Variants in COPG1 observed in about 807,000 individuals in gnomAD.
The protein encoded by COPG1 is coatomer subunit gamma-1.
A neutral mutation model predicts 102.8 loss-of-function variants in COPG1; 29 were observed. That is an observed-to-expected ratio of 0.28 (90% CI 0.21 to 0.38). COPG1 has a LOEUF of 0.38. Among genes scored for constraint, COPG1 ranks in the 10% least tolerant of loss-of-function variants. COPG1 has a pLI of 1.00. For missense variants in COPG1, 875 were observed against 1,132.7 expected, an observed-to-expected ratio of 0.77 and a Z score of 3.27; for synonymous variants, 406 against 421.6, an observed-to-expected ratio of 0.96 and a Z score of 0.45.
At position 129,272,422 on chromosome 3, in the gene COPG1, C is replaced by A. The variant is rs745971818; in HGVS notation, c.2158+7C>A. ...AAAGAAGACCCCACAGCTGGTGAGC[C>A]CCTCTCCAGATACCACCCTATCCTC... On this transcript the variant is annotated splice_region_variant and intron_variant, in intron 20 of 23. Coordinates refer to ENST00000314797, the MANE Select transcript of COPG1 (RefSeq NM_016128.4). 2.5e-6 allele frequency: 4 copies of A among 1,610,376 alleles called. No individual in the cohort carries two copies.
At chr3:129,255,220 C>T (rs1939783640) in intron 7 of COPG1, 143 bp downstream of exon 7, 1 of 616,580 alleles carries the variant, frequency 1.6e-6, no homozygotes, top group Non-Finnish European at 2.8e-6. Flanking sequence ...ACTCTGTCAC[C>T]CAGGCTAGAG....
intron 11 of COPG1, 85 bp from the exon 12 acceptor site, chr3:129,260,534 C>T: frequency 2.0e-6 from 3 of 1,523,516 alleles, no homozygotes; most frequent in Non-Finnish European, 2.7e-6. Context: ...TGATCTCATC[C>T]AAAGGACTTC....
Position 129,271,655 on chromosome 3 carries a change from C to T in COPG1, c.1844-112C>T. On this transcript the variant is annotated intron_variant, in intron 18 of 23. Transcript: ENST00000314797. This position sits in a 1 kb window ranked among gnomAD's most constrained non-coding sequence, Gnocchi z 4.7. Reference sequence around the variant, plus strand: ...AGCCAGTTGGGTAAACATATCTATCCATCTAAGGTAGGGTGGAACACCTTG... The same window carrying T: ...AGCCAGTTGGGTAAACATATCTATCTATCTAAGGTAGGGTGGAACACCTTG... The T allele has an allele frequency of 7.9e-7, 1 of 1,264,892 alleles. No individual in the cohort carries two copies. The highest frequency in any genetic ancestry group is 2.0e-4 in the Middle Eastern group (1 of 5,084). The allele number at this position is 1,264,892 out of a possible 1,614,324, so 78.4% of individuals were successfully genotyped here.
chr3:129,249,973 A>ACC (rs62819160), intron 1 of COPG1, among the ~76,000 whole-genome samples: 28 of 125,510 alleles, frequency 2.2e-4, no homozygotes, highest in East Asian at 1.0e-3. Context: ...CGCGACAAAC[A>ACC]CCCCCCCCCC....
intron 15 of COPG1, 42 bp downstream of exon 15, chr3:129,267,141 T>C (rs1940077430): frequency 6.7e-7 from 1 of 1,489,956 alleles, no homozygotes; most frequent in African/African-American, 1.4e-5. Flanking sequence ...CAGTGTTCCC[T>C]TGGACCCAAG....
Position 129,277,600 on chromosome 3 carries a change from A to AAT in COPG1, c.*176_*177insAT. Reference sequence around the variant, plus strand: ...TCCCACCCGGGACTACTTGCTGGTGACTTTTTTTTTTTTTTTTTTTAAATA... The same window carrying AAT: ...TCCCACCCGGGACTACTTGCTGGTGAATCTTTTTTTTTTTTTTTTTTTAAATA... On this transcript the variant is annotated 3_prime_UTR_variant, in exon 24 of 24. Transcript: ENST00000314797. The AAT allele has an allele frequency of 6.5e-5, 24 of 371,634 alleles. No individual in the cohort carries two copies. Among genetic ancestry groups the AAT allele is most frequent in the East Asian group, 1.0e-4 (2 of 19,258 alleles). 23.0% of individuals were successfully genotyped at this position (371,634 alleles called of 1,614,324 possible). A position where few individuals can be genotyped will look rare whatever the true frequency, so the allele number is the denominator to read the frequency against.
rs563928361 is a variant in COPG1, at chr3:129,255,475, C to A, written c.492+398C>A. Among the ~76,000 whole-genome samples, 4 of 141,190 alleles carry A rather than the reference C, an allele frequency of 2.8e-5. No homozygotes were observed. The South Asian group carries it at 9.0e-4, about 32-fold the overall frequency. 92.6% of individuals were successfully genotyped at this position (141,190 alleles called of 152,430 possible). ...TGCAGGCGTGAGCCACTGTGCCTGG[C>A]CTCTCTTTCTTCTTTTTTTTTTTTT... On this transcript the variant is annotated intron_variant, in intron 7 of 23. Coordinates refer to ENST00000314797, the MANE Select transcript of COPG1 (RefSeq NM_016128.4).
At chr3:129,256,629 T>G (rs1216930664) in intron 8 of COPG1, among the ~76,000 whole-genome samples, 1 of 152,210 alleles carries the variant, frequency 6.6e-6, no homozygotes, top group Middle Eastern at 3.2e-3. Flanking sequence ...GGTTACTGCC[T>G]CACAAAGCAG....
Position 129,276,505 on chromosome 3 carries a change from T to C in COPG1, c.2495-789T>C, listed in dbSNP as rs548843087. Reference sequence around the variant, plus strand: ...ACAAAAGGAAATGGGATGATTTTTTTTGGCTGAGTGTTTATAAACAGGGTT... The same window carrying C: ...ACAAAAGGAAATGGGATGATTTTTTCTGGCTGAGTGTTTATAAACAGGGTT... On this transcript the variant is annotated intron_variant, in intron 23 of 23. Transcript: ENST00000314797. Among the ~76,000 whole-genome samples the C allele has an allele frequency of 3.3e-5, 5 of 152,362 alleles. No homozygotes were observed. In the East Asian group the frequency reaches 9.6e-4, roughly 29 times the overall value.
Position 129,269,012 on chromosome 3 carries a change from T to G in COPG1, c.1843+12T>G. The G allele has an allele frequency of 6.2e-7, 1 of 1,612,866 alleles. No homozygotes were observed. The highest frequency in any genetic ancestry group is 1.3e-5 in the African/African-American group (1 of 74,934). ...GGAGATCTTCCAGGGTGAGTCACAG[T>G]GGTTGGGGGATGCTTGGGACCTGGG... On this transcript the variant is annotated intron_variant, in intron 18 of 23. Transcript: ENST00000314797.
At chr3:129,268,073 AC>A (rs1940103746) in intron 16 of COPG1, 33 bp downstream of exon 16, 1 of 1,523,478 alleles carries the variant, frequency 6.6e-7, no homozygotes, top group African/African-American at 1.4e-5. Context: ...TGGACTCAGC[AC>A]CTTACTGGAG....
rs1422224430 is a variant in COPG1 at position 129,257,787 on chromosome 3, G to C, written c.798G>C (p.Val266=). 3 of 1,614,094 alleles carry C rather than the reference G, an allele frequency of 1.9e-6. No individual in the cohort carries two copies. The African/African-American group carries it at 4.0e-5, about 22-fold the overall frequency. The change falls in exon 10 of 24, where the codon GTG becomes GTC. Residue 266 remains valine, a synonymous_variant. Coordinates refer to ENST00000314797, the MANE Select transcript of COPG1 (RefSeq NM_016128.4). ...ESCLRNKHEM[V]VYEAASAIVN... ...GCTTGCGCAACAAGCACGAGATGGTGGTGTATGAAGCCGCCTCGGCCATCG... is the reference window on the plus strand; with the variant it reads ...GCTTGCGCAACAAGCACGAGATGGTCGTGTATGAAGCCGCCTCGGCCATCG...
intron 12 of COPG1, among the ~76,000 whole-genome samples, chr3:129,261,202 G>C (rs1939919390): frequency 2.0e-5 from 3 of 152,214 alleles, no homozygotes; most frequent in Non-Finnish European, 4.4e-5. Context: ...AACAGGTAAA[G>C]AAAGGAGTAG....
intron 12 of COPG1, among the ~76,000 whole-genome samples, chr3:129,261,686 G>T (rs561740615): frequency 6.6e-6 from 1 of 152,250 alleles, no homozygotes; most frequent in South Asian, 2.1e-4. Context: ...AGTGACACTG[G>T]CATGACCCAT....
intron 8 of COPG1, among the ~76,000 whole-genome samples, chr3:129,256,714 G>A (rs544323326): frequency 2.0e-5 from 3 of 152,330 alleles, no homozygotes; most frequent in Admixed American, 2.0e-4. Context: ...CTCCCTGTGT[G>A]TTTATGTATT....
intron 5 of COPG1, 196 bp from the exon 6 acceptor site, chr3:129,254,472 G>C (rs146419907): frequency 5.6e-6 from 3 of 537,818 alleles, no homozygotes; most frequent in Non-Finnish European, 9.9e-6. Context: ...AAAGCAGGGG[G>C]ATGACCTGTT....
At chr3:129,250,385 A>T (rs772587746) in intron 1 of COPG1, among the ~76,000 whole-genome samples, 2 of 152,228 alleles carry the variant, frequency 1.3e-5, no homozygotes, top group Non-Finnish European at 2.9e-5. Flanking sequence ...TCCCTGGCAC[A>T]TAGGGACTTA....
At chr3:129,261,293 G>A (rs1939920851) in intron 12 of COPG1, among the ~76,000 whole-genome samples, 1 of 152,122 alleles carries the variant, frequency 6.6e-6, no homozygotes, top group African/African-American at 2.4e-5. Flanking sequence ...GCACAGTCTG[G>A]GAAGGCCCTT....
chr3:129,268,406 G>A, intron 16 of COPG1, 89 bp from the exon 17 acceptor site: 2 of 1,420,314 alleles, frequency 1.4e-6, no homozygotes, highest in Non-Finnish European at 1.9e-6. Context: ...CTTAGGACTT[G>A]TAACTTCGGG....
Sources: allele counts gnomAD v4.1 joint callset (sites outside exome capture counted in the v4.1 genomes callset), GRCh38; gene constraint gnomAD v4.1.1; non-coding constraint Gnocchi (gnomAD v3.1); transcripts MANE v1.5; gene names NCBI Gene and HGNC (gene_info 2026-07-23, HGNC 2026-07-21).